Variants in POPDC3 observed in about 807,000 individuals in gnomAD.
POPDC3 encodes the protein popeye domain-containing protein 3.
A neutral mutation model predicts 28.2 loss-of-function variants in POPDC3; 20 were observed. The observed-to-expected ratio is 0.71, with a 90% CI of 0.50 to 1.03. The LOEUF is 1.03. Ranked by LOEUF, POPDC3 falls within the 50% of genes least tolerant of loss-of-function variation. The probability of loss-of-function intolerance (pLI) is 0.00; values close to 1 mark genes in which losing one functional copy is unlikely to be tolerated. For missense variants in POPDC3, 316 were observed against 345.9 expected (o/e 0.91, Z 0.69); for synonymous variants, 118 against 124.1 (o/e 0.95, Z 0.33).
rs1453259043 is a variant in POPDC3 at position 105,179,991 on chromosome 6, C to A, written c.-410G>T. On this transcript the variant is annotated 5_prime_UTR_variant, in exon 1 of 4. Coordinates refer to ENST00000254765, the MANE Select transcript of POPDC3 (RefSeq NM_022361.5). ...GGCGCCGGGCGCAGCGTGACCGCAG[C>A]GGGCTCCGGAGCGGCGCGGCGGCGC... 1 of 146,922 alleles carries A rather than the reference C, an allele frequency of 6.8e-6. No individual in the cohort carries two copies. The highest frequency in any genetic ancestry group is 1.5e-5 in the Non-Finnish European group (1 of 66,238). The allele number at this position is 146,922 out of a possible 1,614,324, so 9.1% of individuals were successfully genotyped here. A position where few individuals can be genotyped will look rare whatever the true frequency, so the allele number is the denominator to read the frequency against.
chr6:105,174,819 G>C (rs1774652417), intron 1 of POPDC3, among the ~76,000 whole-genome samples: 1 of 152,180 alleles, frequency 6.6e-6, no homozygotes, highest in Non-Finnish European at 1.5e-5. Context: ...AGATGCCATG[G>C]TAAAAGAACC....
At chr6:105,162,605 G>A (rs982683697) in intron 1 of POPDC3, among the ~76,000 whole-genome samples, 2 of 152,126 alleles carry the variant, frequency 1.3e-5, no homozygotes, top group African/African-American at 2.4e-5. Flanking sequence ...GGTGGCGTGC[G>A]CCTGGGATCC....
intron 1 of POPDC3, among the ~76,000 whole-genome samples, chr6:105,163,509 TTG>T (rs1457650193): frequency 6.6e-6 from 1 of 152,242 alleles, no homozygotes; most frequent in Non-Finnish European, 1.5e-5. Context: ...AGCCTTGAAC[TTG>T]TGTGCTATAT....
intron 1 of POPDC3, chr6:105,178,557 CCTG>C (rs1206528238): frequency 6.2e-6 from 1 of 160,896 alleles, no homozygotes; most frequent in East Asian, 2.1e-4. Context: ...ATCCCAAACT[CCTG>C]AAGACACACA....
chr6:105,163,758 AG>A (rs1774400391), intron 1 of POPDC3: 1 of 152,182 alleles, frequency 6.6e-6, no homozygotes, highest in African/African-American at 2.4e-5. Flanking sequence ...AATGACTTCA[AG>A]AACACTGCCA....
At chr6:105,162,653 A>G (rs941065353) in intron 1 of POPDC3, among the ~76,000 whole-genome samples, 22 of 152,230 alleles carry the variant, frequency 1.4e-4, no homozygotes, top group Non-Finnish European at 2.8e-4. Flanking sequence ...AATCACTTGA[A>G]CTTGGGAGAC....
chr6:105,158,785 G>A (rs778456852), intron 3 of POPDC3, 34 bp from the exon 4 acceptor site: 2 of 1,507,578 alleles, frequency 1.3e-6, no homozygotes, highest in African/African-American at 1.4e-5. Flanking sequence ...AAACAGATGT[G>A]GAAGCAAGAA....
At chr6:105,174,023 A>G (rs1312146036) in intron 1 of POPDC3, among the ~76,000 whole-genome samples, 2 of 152,202 alleles carry the variant, frequency 1.3e-5, no homozygotes, top group Non-Finnish European at 2.9e-5. Flanking sequence ...CTCCGGGCAG[A>G]AAAAGCAAAT....
rs748097726 is a variant in POPDC3, at chr6:105,159,887, G to C, written c.486-68C>G. Reference sequence around the variant, plus strand: ...AGAGCACATAATTGGGGAGGGGTGGGGGGTAGAGGAAGTGTATTTCAGATC... The same window carrying C: ...AGAGCACATAATTGGGGAGGGGTGGCGGGTAGAGGAAGTGTATTTCAGATC... On this transcript the variant is annotated intron_variant, in intron 2 of 3. Coordinates refer to ENST00000254765, the MANE Select transcript of POPDC3 (RefSeq NM_022361.5). 3 of 1,072,018 alleles carry C rather than the reference G, an allele frequency of 2.8e-6. No individual in the cohort carries two copies. In the South Asian group the frequency reaches 3.9e-5, roughly 14 times the overall value. The allele number at this position is 1,072,018 out of a possible 1,614,324, so 66.4% of individuals were successfully genotyped here.
At chr6:105,176,713 C>A (rs986770231) in intron 1 of POPDC3, among the ~76,000 whole-genome samples, 2 of 151,948 alleles carry the variant, frequency 1.3e-5, no homozygotes, top group East Asian at 1.9e-4. Context: ...CACGCAACCA[C>A]GCCTGGCTAA....
At position 105,158,702 on chromosome 6, in the gene POPDC3, T is replaced by C; in HGVS notation, c.644A>G (p.Lys215Arg). ...CTGAGCAAAGAGCAGATATAATTTC[T>C]TTCTCCTCCAAGACACATATCGACA... is the stretch of plus-strand genomic sequence containing the variant. ...TDCRYVSWRR[K>R]KLYLLFAQHR... Residue 215 changes from lysine (K) to arginine (R), a missense_variant, in exon 4 of 4, where the codon AAG becomes AGG. Physicochemically the swap from Lys to Arg is conservative, Grantham distance 26. Coordinates refer to ENST00000254765, the MANE Select transcript of POPDC3 (RefSeq NM_022361.5). 4 of 1,614,050 alleles carry C rather than the reference T, an allele frequency of 2.5e-6. No homozygotes were observed. The highest frequency in any genetic ancestry group is 3.4e-6 in the Non-Finnish European group (4 of 1,179,962).
At chr6:105,169,615 G>A (rs932890590) in intron 1 of POPDC3, 6 of 152,116 alleles carry the variant, frequency 3.9e-5, no homozygotes, top group Non-Finnish European at 7.4e-5. Flanking sequence ...AAACTCAAAA[G>A]AATTAACTCT....
chr6:105,160,957 T>C (rs1189934114), intron 2 of POPDC3, among the ~76,000 whole-genome samples: 1 of 152,146 alleles, frequency 6.6e-6, no homozygotes, highest in Non-Finnish European at 1.5e-5. Context: ...GTTCCTGAAG[T>C]GTCTCCCCAG....
intron 1 of POPDC3, among the ~76,000 whole-genome samples, chr6:105,175,101 A>T (rs538407969): frequency 0.011 from 1,716 of 152,132 alleles, 37 homozygotes; most frequent in African/African-American, 0.04. Context: ...CGGGAGGCTG[A>T]GGTTGCAGTA....
At chr6:105,179,303 G>A in intron 1 of POPDC3, 1 of 953,986 alleles carries the variant, frequency 1.0e-6, no homozygotes. Flanking sequence ...CAGTGTGAGA[G>A]CACTGACACC....
chr6:105,166,219 A>G (rs1336489632), intron 1 of POPDC3, among the ~76,000 whole-genome samples: 1 of 152,216 alleles, frequency 6.6e-6, no homozygotes, highest in South Asian at 2.1e-4. Context: ...ATGACTCTGT[A>G]TGATGTGGAG....
chr6:105,159,874 T>TG, intron 2 of POPDC3, 55 bp from the exon 3 acceptor site: 1 of 954,300 alleles, frequency 1.0e-6, no homozygotes, highest in Non-Finnish European at 1.6e-6. Context: ...AGCACATAAT[T>TG]GGGGAGGGGT....
At chr6:105,178,436 G>C (rs1774719740) in intron 1 of POPDC3, among the ~76,000 whole-genome samples, 2 of 152,222 alleles carry the variant, frequency 1.3e-5, no homozygotes, top group South Asian at 4.1e-4. Context: ...CCATGATTCA[G>C]CTATTTTGAG....
chr6:105,167,466 G>A (rs1258650128), intron 1 of POPDC3, among the ~76,000 whole-genome samples: 3 of 152,176 alleles, frequency 2.0e-5, no homozygotes, highest in Non-Finnish European at 4.4e-5. Flanking sequence ...TAAAGAATAG[G>A]CTGGGCATGG....
Sources: allele counts gnomAD v4.1 joint callset (sites outside exome capture counted in the v4.1 genomes callset), GRCh38; gene constraint gnomAD v4.1.1; transcripts MANE v1.5; gene names NCBI Gene and HGNC (gene_info 2026-07-23, HGNC 2026-07-21).